CDH17: variants seen among roughly 807,000 people sequenced by gnomAD.
The protein encoded by CDH17 is cadherin-17.
In CDH17, 67 loss-of-function variants were observed where a neutral mutation model predicts 86.3. The observed-to-expected ratio is 0.78, with a 90% CI of 0.64 to 0.95. CDH17 has a LOEUF of 0.95. CDH17 is among the 40% of genes least tolerant of loss of function. The probability of loss-of-function intolerance (pLI) is 0.00; values close to 1 mark genes in which losing one functional copy is unlikely to be tolerated. For missense variants in CDH17, 993 were observed against 1,017.6 expected, an observed-to-expected ratio of 0.98 and a Z score of 0.33; for synonymous variants, 367 against 366.4, an observed-to-expected ratio of 1.00 and a Z score of -0.02.
At chr8:94,211,020 CA>C (rs59090058), upstream of CDH17, among the ~76,000 whole-genome samples, 11,711 of 91,836 alleles carry the variant, frequency 0.13, 1,513 homozygotes, top group African/African-American at 0.37. Flanking sequence ...GACTGCATCT[CA>C]AAAAAAAAAA....
rs957087290 is a variant in CDH17, at chr8:94,127,282, A to T, written c.*958T>A. 6 of 152,256 alleles carry T rather than the reference A, an allele frequency of 3.9e-5. No homozygotes were observed. Among genetic ancestry groups the T allele is most frequent in the African/African-American group, 1.4e-4 (6 of 41,468 alleles). The allele number at this position is 152,256 out of a possible 1,614,324, so 9.4% of individuals were successfully genotyped here. On this transcript the variant is annotated 3_prime_UTR_variant, in exon 18 of 18. Coordinates refer to ENST00000027335, the MANE Select transcript of CDH17 (RefSeq NM_004063.4). ...CCAAAACTTTACTAACATACGAATG[A>T]AGAAAACATGCGCAGCATGTATGCA... is the stretch of plus-strand genomic sequence containing the variant.
intron 3 of CDH17, among the ~76,000 whole-genome samples, chr8:94,188,108 C>T (rs879520205): frequency 6.6e-6 from 1 of 152,112 alleles, no homozygotes; most frequent in Non-Finnish European, 1.5e-5. Context: ...TTCCTGGACC[C>T]ACGCAGATAC....
intron 14 of CDH17, among the ~76,000 whole-genome samples, chr8:94,147,548 C>CT (rs963261532): frequency 6.6e-6 from 1 of 152,020 alleles, no homozygotes; most frequent in Non-Finnish European, 1.5e-5. Flanking sequence ...GTTTAATTCT[C>CT]TTTTTTGGTA....
chr8:94,159,247 C>T (rs1177143672), intron 12 of CDH17, among the ~76,000 whole-genome samples: 1 of 152,054 alleles, frequency 6.6e-6, no homozygotes, highest in Non-Finnish European at 1.5e-5. Flanking sequence ...TACAAAGAGA[C>T]AGGAACCAAG....
chr8:94,190,785 C>T (rs1186197397), intron 2 of CDH17, among the ~76,000 whole-genome samples: 7 of 152,184 alleles, frequency 4.6e-5, no homozygotes, highest in African/African-American at 1.7e-4. Flanking sequence ...GAAACTGCTC[C>T]CTGCTGGGAA....
intron 4 of CDH17, 129 bp downstream of exon 4, chr8:94,177,458 A>AG (rs1188338390): frequency 3.3e-6 from 3 of 922,160 alleles, no homozygotes; most frequent in Non-Finnish European, 5.0e-6. Context: ...AGGATTGCAA[A>AG]GCGTCCCATT....
intron 2 of CDH17, among the ~76,000 whole-genome samples, chr8:94,193,138 A>G (rs899765981): frequency 1.3e-5 from 2 of 152,116 alleles, no homozygotes; most frequent in African/African-American, 4.8e-5. Context: ...TTCACTCTAG[A>G]TAGAAATCCC....
intron 10 of CDH17, among the ~76,000 whole-genome samples, chr8:94,164,594 C>T (rs1813118660): frequency 1.3e-5 from 2 of 152,128 alleles, no homozygotes; most frequent in Non-Finnish European, 2.9e-5. Flanking sequence ...GCATTAGGGC[C>T]CTACTAAACC....
At chr8:94,158,520 T>C (rs1228105275) in intron 12 of CDH17, among the ~76,000 whole-genome samples, 3 of 152,130 alleles carry the variant, frequency 2.0e-5, no homozygotes, top group African/African-American at 7.2e-5. Flanking sequence ...AGAGCTCTGG[T>C]CCTGCAAAAG....
Position 94,166,991 on chromosome 8 carries a change from G to T in CDH17, c.1067-1015C>A, listed in dbSNP as rs111612322. Among the ~76,000 whole-genome samples, 985 of 152,300 alleles carry T rather than the reference G, an allele frequency of 6.5e-3. 11 individuals carry two copies. The highest frequency in any genetic ancestry group is 0.022 in the African/African-American group (910 of 41,574). On this transcript the variant is annotated intron_variant, in intron 9 of 17. Transcript: ENST00000027335. The stretch of plus-strand genomic sequence containing the variant: ...TGTTTTAAGTCACCAAATTGGTGGT[G>T]ATTTGTTGCTGTAGCCCTAGGACGC...
chr8:94,174,865 T>C (rs923613949), intron 5 of CDH17, among the ~76,000 whole-genome samples: 1 of 152,202 alleles, frequency 6.6e-6, no homozygotes, highest in African/African-American at 2.4e-5. Context: ...TTTCTTACTA[T>C]TTTTGTCTTT....
upstream of CDH17, among the ~76,000 whole-genome samples, chr8:94,212,030 G>A (rs1382544526): frequency 1.3e-5 from 2 of 152,232 alleles, no homozygotes; most frequent in East Asian, 3.8e-4. Flanking sequence ...GGAATGAAGT[G>A]AAACTAATTT....
chr8:94,186,226 CT>C (rs1813577675), intron 3 of CDH17, among the ~76,000 whole-genome samples: 2 of 152,152 alleles, frequency 1.3e-5, no homozygotes, highest in Admixed American at 1.3e-4. Context: ...AACTCATTCA[CT>C]TTTCTCTAAA....
At chr8:94,156,580 G>A (rs1812953247) in intron 12 of CDH17, among the ~76,000 whole-genome samples, 1 of 152,172 alleles carries the variant, frequency 6.6e-6, no homozygotes, top group Admixed American at 6.5e-5. Flanking sequence ...TCTGACAGTT[G>A]TTTAATCTGA....
At chr8:94,166,559 G>A (rs1340053667) in intron 9 of CDH17, among the ~76,000 whole-genome samples, 2 of 152,200 alleles carry the variant, frequency 1.3e-5, no homozygotes, top group East Asian at 1.9e-4. Flanking sequence ...AATTTGGGGG[G>A]CACGGGGACA....
intron 12 of CDH17, among the ~76,000 whole-genome samples, chr8:94,156,470 G>C (rs979215697): frequency 4.6e-5 from 7 of 152,214 alleles, no homozygotes; most frequent in Admixed American, 2.0e-4. Context: ...CAAAGAAATA[G>C]CTTTCCTGCT....
intron 7 of CDH17, among the ~76,000 whole-genome samples, 193 bp from the exon 8 acceptor site, chr8:94,171,178 G>C (rs950755113): frequency 6.6e-6 from 1 of 151,926 alleles, no homozygotes. Flanking sequence ...TATATTGCTC[G>C]AAAAAAGCAC....
chr8:94,162,293 G>A (rs1813068999), intron 10 of CDH17, 131 bp from the exon 11 acceptor site: 1 of 649,996 alleles, frequency 1.5e-6, no homozygotes. Context: ...CATGCAATTT[G>A]TGCAGAGAGT....
At chr8:94,174,053 C>T in intron 6 of CDH17, 49 bp downstream of exon 6, 1 of 1,609,016 alleles carries the variant, frequency 6.2e-7, no homozygotes, top group Non-Finnish European at 8.5e-7. Context: ...ACAGACCAAA[C>T]TCCCTTTTTC....
Sources: allele counts gnomAD v4.1 joint callset (sites outside exome capture counted in the v4.1 genomes callset), GRCh38; gene constraint gnomAD v4.1.1; transcripts MANE v1.5; gene names NCBI Gene and HGNC (gene_info 2026-07-23, HGNC 2026-07-21).